RABGAP1: variants seen among roughly 807,000 people sequenced by gnomAD.
The protein encoded by RABGAP1 is rab GTPase-activating protein 1.
Under a neutral mutation model 137.6 loss-of-function variants are expected in RABGAP1, and 23 were observed. That is an observed-to-expected ratio of 0.17 (90% CI 0.12 to 0.24). The LOEUF is 0.24. Among genes scored for constraint, RABGAP1 ranks in the 10% least tolerant of loss-of-function variants. RABGAP1 has a pLI of 1.00. For missense variants in RABGAP1, 906 were observed against 1,275.8 expected (o/e 0.71, Z 4.42); for synonymous variants, 451 against 450.7 (o/e 1.00, Z -0.01).
intron 2 of RABGAP1, among the ~76,000 whole-genome samples, chr9:122,978,517 C>T (rs768677304): frequency 6.6e-6 from 1 of 152,152 alleles, no homozygotes; most frequent in Non-Finnish European, 1.5e-5. Flanking sequence ...TTCCTGTAAT[C>T]TCAGCAACTT....
At chr9:123,017,403 C>T (rs181558310) in intron 12 of RABGAP1, among the ~76,000 whole-genome samples, 2 of 152,296 alleles carry the variant, frequency 1.3e-5, no homozygotes, top group Non-Finnish European at 2.9e-5. Flanking sequence ...TGTCTGCCAT[C>T]TTTCAGGGTA....
chr9:123,045,717 C>T (rs561398185), intron 13 of RABGAP1, among the ~76,000 whole-genome samples: 5 of 152,198 alleles, frequency 3.3e-5, no homozygotes, highest in South Asian at 2.1e-4. Flanking sequence ...GTGATTACTT[C>T]GTACTCTTGG....
At chr9:122,938,712 T>A (rs551093532), upstream of RABGAP1, 58 of 152,348 alleles carry the variant, frequency 3.8e-4, no homozygotes, top group African/African-American at 5.5e-4. Context: ...CATGTTAGAT[T>A]CATAACGTTG....
At chr9:122,985,607 G>A (rs537526793) in intron 3 of RABGAP1, among the ~76,000 whole-genome samples, 9 of 83,560 alleles carry the variant, frequency 1.1e-4, no homozygotes, top group South Asian at 5.3e-4. Flanking sequence ...GCGAGACTCC[G>A]TCTCAAAAAA....
chr9:123,057,231 G>T (rs1490101473), intron 13 of RABGAP1, among the ~76,000 whole-genome samples: 1 of 151,844 alleles, frequency 6.6e-6, no homozygotes, highest in Admixed American at 6.6e-5. Flanking sequence ...TGGCTGCCGG[G>T]CGGAGGGGCT....
intron 4 of RABGAP1, among the ~76,000 whole-genome samples, 169 bp downstream of exon 4, chr9:122,986,588 G>T (rs676805): frequency 6.6e-6 from 1 of 152,186 alleles, no homozygotes; most frequent in South Asian, 2.1e-4. Flanking sequence ...TGTGAAAAAT[G>T]GTTACTTATT....
intron 3 of RABGAP1, among the ~76,000 whole-genome samples, chr9:122,985,473 G>A (rs1158145503): frequency 1.3e-5 from 2 of 152,090 alleles, no homozygotes; most frequent in African/African-American, 4.8e-5. Flanking sequence ...TTAGCCAGGC[G>A]TGGTGGCACG....
At chr9:122,931,912 G>T in the RABGAP1 span, among the ~76,000 whole-genome samples, 1 of 135,854 alleles carries the variant, frequency 7.4e-6, no homozygotes, top group African/African-American at 2.8e-5. Context: ...TAGACTCGTC[G>T]CGCGGGAGCC....
chr9:123,037,893 G>T (rs970030212), intron 13 of RABGAP1, among the ~76,000 whole-genome samples: 4 of 152,076 alleles, frequency 2.6e-5, no homozygotes, highest in African/African-American at 9.7e-5. Context: ...TTAAATACCA[G>T]TCTGACTTCA....
At chr9:123,034,228 C>T (rs977432385) in intron 13 of RABGAP1, 7 of 330,352 alleles carry the variant, frequency 2.1e-5, no homozygotes, top group Non-Finnish European at 3.3e-5. Flanking sequence ...CTTCCCTTCT[C>T]TTCTACCCTT....
chr9:123,044,203 A>G (rs965737341), intron 13 of RABGAP1, among the ~76,000 whole-genome samples: 1 of 152,142 alleles, frequency 6.6e-6, no homozygotes. Context: ...GCGCCCAGCC[A>G]GGTGTATTAT....
At chr9:123,056,894 A>T (rs1165007694) in intron 13 of RABGAP1, among the ~76,000 whole-genome samples, 2 of 152,210 alleles carry the variant, frequency 1.3e-5, no homozygotes, top group African/African-American at 2.4e-5. Context: ...CAGACACAGC[A>T]ACCATCCGAT....
At chr9:122,948,710 C>T (rs1834067161) in intron 1 of RABGAP1, among the ~76,000 whole-genome samples, 1 of 151,980 alleles carries the variant, frequency 6.6e-6, no homozygotes, top group African/African-American at 2.4e-5. Flanking sequence ...AAAGGGAACC[C>T]AAGGTATATT....
the RABGAP1 span, among the ~76,000 whole-genome samples, chr9:122,933,958 G>C: frequency 2.6e-5 from 4 of 151,686 alleles, no homozygotes; most frequent in African/African-American, 9.7e-5. Flanking sequence ...TGTAGAGACC[G>C]CGCCTTGCTA....
In RABGAP1 at chr9:123,077,689, GTA is replaced by G. The variant is rs1491299023; in HGVS notation, c.2424+929_2424+930del. Among the ~76,000 whole-genome samples the G allele has an allele frequency of 1.5e-4, 18 of 123,864 alleles. No homozygotes were observed. In the East Asian group the frequency reaches 4.4e-3, roughly 30 times the overall value. The allele number at this position is 123,864 out of a possible 152,430, so 81.3% of individuals were successfully genotyped here. A position where few individuals can be genotyped will look rare whatever the true frequency, so the allele number is the denominator to read the frequency against. ...GTATTGTATTGTATTGTATTGTATT[GTA>G]TTTATTTTCTGTGGGGCTTTTTTTG... On this transcript the variant is annotated intron_variant, in intron 19 of 25. Coordinates refer to ENST00000373647, the MANE Select transcript of RABGAP1 (RefSeq NM_012197.4).
At chr9:122,940,807 A>C (rs1009624940), upstream of RABGAP1, 6 of 152,548 alleles carry the variant, frequency 3.9e-5, no homozygotes, top group Admixed American at 1.3e-4. Flanking sequence ...TCCAGCTCAC[A>C]GCCAGTGCAC....
intron 24 of RABGAP1, 59 bp downstream of exon 24, chr9:123,099,608 A>AG: frequency 6.7e-7 from 1 of 1,482,778 alleles, no homozygotes; most frequent in Non-Finnish European, 9.4e-7. Context: ...ATGGCTGTAT[A>AG]AACAGGTTTT....
At chr9:123,099,731 G>T (rs562205969) in intron 24 of RABGAP1, among the ~76,000 whole-genome samples, 182 bp downstream of exon 24, 1 of 152,214 alleles carries the variant, frequency 6.6e-6, no homozygotes, top group South Asian at 2.1e-4. Context: ...CTGGAAGGGT[G>T]TACAGATGAA....
At chr9:123,088,072 T>C (rs1348763028) in intron 19 of RABGAP1, among the ~76,000 whole-genome samples, 6 of 151,042 alleles carry the variant, frequency 4.0e-5, no homozygotes, top group Non-Finnish European at 8.8e-5. Context: ...TTAGATGGGG[T>C]CTCTCTCTTG....
Sources: gnomAD v4.1 joint callset for allele counts (sites outside exome capture counted in the v4.1 genomes callset) on GRCh38, gnomAD v4.1.1 for gene constraint, MANE v1.5 for transcripts, NCBI Gene and HGNC (gene_info 2026-07-23, HGNC 2026-07-21) for gene names.